Variants in KIF14 observed in about 807,000 individuals in gnomAD.
The protein encoded by KIF14 is kinesin-like protein KIF14.
KIF14 carries 98 observed loss-of-function variants against 176.2 expected under a neutral mutation model. The ratio of observed to expected loss-of-function variants is 0.56; its 90% CI spans 0.47 to 0.66. The LOEUF (loss-of-function observed/expected upper bound fraction) is 0.66, where lower values mean the gene tolerates loss of function less well. Among genes scored for constraint, KIF14 ranks in the 30% least tolerant of loss-of-function variants. The pLI is 0.00. For synonymous variants in KIF14, 566 were observed against 632.2 expected (o/e 0.90, Z 1.57); for missense variants, 1,751 against 1,920.4 (o/e 0.91, Z 1.65).
At chr1:200,572,960 T>C (rs2102621139) in intron 22 of KIF14, among the ~76,000 whole-genome samples, 1 of 152,350 alleles carries the variant, frequency 6.6e-6, no homozygotes, top group South Asian at 2.1e-4. Context: ...CATCTGTTAC[T>C]GGTACTGGAC....
chr1:200,567,532 T>TAAAAAAAAAAA (rs35456574), intron 23 of KIF14, among the ~76,000 whole-genome samples: 25 of 127,760 alleles, frequency 2.0e-4, no homozygotes, highest in Non-Finnish European at 2.7e-4. Flanking sequence ...AGACTCCGTC[T>TAAAAAAAAAAA]AAAAAAAAAA....
intron 18 of KIF14, among the ~76,000 whole-genome samples, chr1:200,586,859 T>C (rs568779620): frequency 6.6e-6 from 1 of 150,906 alleles, no homozygotes; most frequent in Non-Finnish European, 1.5e-5. Context: ...AAAATATCTT[T>C]TGCAGCAACT....
chr1:200,565,543 A>C lies in KIF14; in HGVS notation c.3788T>G (p.Ile1263Arg), dbSNP rs780551952. 3.1e-6 allele frequency: 5 copies of C among 1,611,686 alleles called. No individual in the cohort carries two copies. In the South Asian group the frequency reaches 5.5e-5, roughly 18 times the overall value. ...FGQSYDEERT[I>R]ADSLINSFLK... The stretch of plus-strand genomic sequence containing the variant: ...AAAACTATTAATTAGGCTGTCTGCT[A>C]TAGTTCTTTCTTCATCATAACTCTG... Residue 1263 changes from isoleucine to arginine, a missense_variant, in exon 24 of 30, where the codon ATA becomes AGA. By Grantham distance (97) the Ile-to-Arg change is moderately conservative. Transcript: ENST00000367350.
At chr1:200,583,705 G>A (rs748468141) in intron 19 of KIF14, among the ~76,000 whole-genome samples, 2 of 152,142 alleles carry the variant, frequency 1.3e-5, no homozygotes, top group Non-Finnish European at 2.9e-5. Context: ...ACTTTGGGAA[G>A]CCGAGGCAGG....
rs149237077 is a variant in KIF14, at chr1:200,573,146, T to G, written c.3566+2445A>C. 8.7e-4 allele frequency among the ~76,000 whole-genome samples: 133 copies of G among 152,306 alleles called. No individual in the cohort carries two copies. The East Asian group carries it at 0.026, about 29-fold the overall frequency. On this transcript the variant is annotated intron_variant, in intron 22 of 29. Transcript: ENST00000367350. ...AACATAACCATCATCAGCCCGATGT[T>G]GTCAATCATGGTGGTCATAGTAGAA...
intron 15 of KIF14, 148 bp from the exon 16 acceptor site, chr1:200,592,388 T>TC: frequency 1.5e-6 from 1 of 647,408 alleles, no homozygotes; most frequent in Non-Finnish European, 2.5e-6. Flanking sequence ...ACTTTTTTTT[T>TC]CTTTTGGCAC....
At chr1:200,610,214 A>T (rs955873388) in intron 4 of KIF14, among the ~76,000 whole-genome samples, 3 of 152,098 alleles carry the variant, frequency 2.0e-5, no homozygotes, top group African/African-American at 7.2e-5. Context: ...AATAAAAAAA[A>T]TTTTGGCTGG....
Position 200,615,485 on chromosome 1 carries a change from A to C in KIF14, c.1237T>G (p.Cys413Gly). 1 of 1,614,168 alleles carries C rather than the reference A, an allele frequency of 6.2e-7. No individual in the cohort carries two copies. Residue 413 changes from cysteine (C) to glycine (G), a missense_variant, in exon 3 of 30, where the codon TGT becomes GGT. Coordinates refer to ENST00000367350, the MANE Select transcript of KIF14 (RefSeq NM_014875.3). ...YDVSFWSFDECHPHYASQTTV... is the reference protein window; with the variant it reads ...YDVSFWSFDEGHPHYASQTTV... ...GTCTGGCTAGCGTAGTGAGGATGACATTCATCAAAAGACCAGAATGAAACA... is the reference window on the plus strand; with the variant it reads ...GTCTGGCTAGCGTAGTGAGGATGACCTTCATCAAAAGACCAGAATGAAACA...
intron 22 of KIF14, among the ~76,000 whole-genome samples, chr1:200,573,427 CTTTTTTTTTTT>C (rs869174532): frequency 2.6e-5 from 2 of 77,762 alleles, no homozygotes; most frequent in African/African-American, 1.1e-4. Flanking sequence ...GAGCTCATTT[CTTTTTTTTTTT>C]TTTTTTTTTT....
intron 22 of KIF14, among the ~76,000 whole-genome samples, chr1:200,573,750 A>T (rs1657954985): frequency 6.6e-6 from 1 of 152,190 alleles, no homozygotes; most frequent in Admixed American, 6.5e-5. Context: ...AAATAGTTTC[A>T]TCTCTTTGAG....
chr1:200,566,254 G>A (rs1277391758), intron 23 of KIF14, among the ~76,000 whole-genome samples: 1 of 151,508 alleles, frequency 6.6e-6, no homozygotes, highest in Non-Finnish European at 1.5e-5. Context: ...TTTACTCTAT[G>A]GTAGGAATTA....
intron 21 of KIF14, among the ~76,000 whole-genome samples, chr1:200,577,669 C>G (rs1463727517): frequency 1.3e-5 from 2 of 151,318 alleles, no homozygotes; most frequent in Non-Finnish European, 2.9e-5. Flanking sequence ...CCACTGCACT[C>G]CAGCCTGGCA....
intron 25 of KIF14, among the ~76,000 whole-genome samples, chr1:200,563,688 G>A (rs1357075593): frequency 6.6e-6 from 1 of 152,100 alleles, no homozygotes; most frequent in African/African-American, 2.4e-5. Flanking sequence ...ATGAGCCACT[G>A]TACTCGGCCA....
At chr1:200,562,355 C>G (rs749283143) in intron 25 of KIF14, among the ~76,000 whole-genome samples, 1 of 152,230 alleles carries the variant, frequency 6.6e-6, no homozygotes, top group Non-Finnish European at 1.5e-5. Flanking sequence ...ACCAGTTACT[C>G]TAAGAGAGAC....
At chr1:200,597,577 G>A (rs1047290405) in intron 14 of KIF14, among the ~76,000 whole-genome samples, 1 of 152,210 alleles carries the variant, frequency 6.6e-6, no homozygotes, top group Non-Finnish European at 1.5e-5. Context: ...ACGATGTGGA[G>A]TAACAGGTAT....
intron 12 of KIF14, 54 bp downstream of exon 12, chr1:200,600,302 T>A (rs1659559919): frequency 1.3e-6 from 2 of 1,566,958 alleles, no homozygotes; most frequent in South Asian, 2.2e-5. Flanking sequence ...TCCCTGCCAT[T>A]CCTATGATTC....
intron 22 of KIF14, among the ~76,000 whole-genome samples, chr1:200,571,210 G>C (rs1002630909): frequency 2.2e-4 from 34 of 151,886 alleles, no homozygotes; most frequent in African/African-American, 7.5e-4. Context: ...AGCTACTCGG[G>C]AGGCTGAGGC....
At chr1:200,562,486 C>A (rs1657218648) in intron 25 of KIF14, among the ~76,000 whole-genome samples, 1 of 152,224 alleles carries the variant, frequency 6.6e-6, no homozygotes, top group African/African-American at 2.4e-5. Flanking sequence ...CAAGGACGCA[C>A]AACTAATTTA....
In KIF14 at chr1:200,586,790, CATATATATAT is replaced by C. The variant is rs10610890; in HGVS notation, c.3115-573_3115-564del. ...AATATGGTGTATATATATATACATA[CATATATATAT>C]ATATATATATATATATACACCATGA... On this transcript the variant is annotated intron_variant, in intron 18 of 29. Coordinates refer to ENST00000367350, the MANE Select transcript of KIF14 (RefSeq NM_014875.3). Among the ~76,000 whole-genome samples the C allele has an allele frequency of 5.0e-4, 64 of 128,168 alleles. 1 individual carries two copies. The highest frequency in any genetic ancestry group is 1.0e-3 in the East Asian group (5 of 4,942). The allele number at this position is 128,168 out of a possible 152,430, so 84.1% of individuals were successfully genotyped here.
Sources: gnomAD v4.1 joint callset for allele counts (sites outside exome capture counted in the v4.1 genomes callset) on GRCh38, gnomAD v4.1.1 for gene constraint, MANE v1.5 for transcripts, NCBI Gene and HGNC (gene_info 2026-07-23, HGNC 2026-07-21) for gene names.